CCDC32: variants seen among roughly 807,000 people sequenced by gnomAD.
CCDC32 encodes coiled-coil domain-containing protein 32.
CCDC32 carries 9 observed loss-of-function variants against 20.1 expected under a neutral mutation model. The observed-to-expected ratio is 0.45, with a 90% CI of 0.27 to 0.78. The LOEUF (loss-of-function observed/expected upper bound fraction) is 0.78, where lower values mean the gene tolerates loss of function less well. CCDC32 is among the 30% of genes least tolerant of loss of function. The pLI is 0.16. For missense variants in CCDC32, 204 were observed against 215.5 expected (o/e 0.95, Z 0.33); for synonymous variants, 63 against 79.0 (o/e 0.80, Z 1.07).
downstream of CCDC32, among the ~76,000 whole-genome samples, chr15:40,527,565 G>A (rs1056880741): frequency 3.3e-5 from 5 of 152,210 alleles, no homozygotes; most frequent in Non-Finnish European, 5.9e-5. Context: ...TGGCAGTATT[G>A]GGAAGTGGGG....
downstream of CCDC32, among the ~76,000 whole-genome samples, chr15:40,527,296 G>A (rs1452791991): frequency 1.3e-5 from 2 of 151,858 alleles, no homozygotes; most frequent in Non-Finnish European, 2.9e-5. Flanking sequence ...TCAGCCTTCC[G>A]AGTAGCTGGG....
Position 40,557,371 on chromosome 15 carries a change from C to T in CCDC32, c.246G>A (p.Glu82=). The T allele has an allele frequency of 6.2e-7, 1 of 1,604,560 alleles. No individual in the cohort carries two copies. Among genetic ancestry groups the T allele is most frequent in the Non-Finnish European group, 8.5e-7 (1 of 1,177,066 alleles). The part of the protein sequence containing the change: ...QDSEVYLASL[E]KKLRRIKGLN... Reference sequence around the variant, plus strand: ...AACCTTTGATTCTTCTTAGCTTCTTCTCTAGAGAGAGAAGTAGAGCTTAAC... The same window carrying T: ...AACCTTTGATTCTTCTTAGCTTCTTTTCTAGAGAGAGAAGTAGAGCTTAAC... Residue 82 remains glutamate (E), a splice_region_variant and synonymous_variant, in exon 3 of 4, where the codon GAG becomes GAA. Transcript: ENST00000416810.
downstream of CCDC32, among the ~76,000 whole-genome samples, chr15:40,524,226 C>T (rs569375481): frequency 5.1e-5 from 7 of 136,494 alleles, no homozygotes; most frequent in Admixed American, 4.2e-4. Context: ...GGCGCGATCT[C>T]GGCTCTGCAA....
At chr15:40,551,339 G>A (rs903816849), downstream of CCDC32, among the ~76,000 whole-genome samples, 9 of 152,114 alleles carry the variant, frequency 5.9e-5, no homozygotes, top group African/African-American at 1.4e-4. Flanking sequence ...CCAAGATGGC[G>A]CCACTGCACT....
At chr15:40,549,160 A>G (rs1889740460), downstream of CCDC32, among the ~76,000 whole-genome samples, 1 of 152,170 alleles carries the variant, frequency 6.6e-6, no homozygotes, top group African/African-American at 2.4e-5. Context: ...TCATCTTGTC[A>G]CTGCCCCTCT....
downstream of CCDC32, among the ~76,000 whole-genome samples, chr15:40,532,963 T>A (rs531704700): frequency 4.6e-5 from 7 of 152,180 alleles, no homozygotes; most frequent in African/African-American, 1.4e-4. Flanking sequence ...CCTCAGCTTC[T>A]CAAAGTGTTG....
At chr15:40,539,215 T>G, downstream of CCDC32, 1 of 1,530,912 alleles carries the variant, frequency 6.5e-7, no homozygotes, top group Non-Finnish European at 8.7e-7. Flanking sequence ...TGCACATCCC[T>G]GCCTGGCCCG....
chr15:40,533,691 G>T (rs975200530), downstream of CCDC32, among the ~76,000 whole-genome samples: 2 of 152,068 alleles, frequency 1.3e-5, no homozygotes, highest in Non-Finnish European at 1.5e-5. Context: ...TTTAAAAAAG[G>T]ATACACATAA....
At chr15:40,529,991 G>A (rs1049937258), downstream of CCDC32, among the ~76,000 whole-genome samples, 9 of 151,058 alleles carry the variant, frequency 6.0e-5, no homozygotes, top group African/African-American at 2.2e-4. Flanking sequence ...TCCAAATCTC[G>A]TGTTAAAATG....
intron 3 of CCDC32, among the ~76,000 whole-genome samples, chr15:40,544,234 G>C (rs2141615984): frequency 6.6e-6 from 1 of 152,250 alleles, no homozygotes; most frequent in South Asian, 2.1e-4. Flanking sequence ...ATTTATTTGA[G>C]ACAGGATCTT....
chr15:40,548,716 A>G (rs1889722249), downstream of CCDC32, among the ~76,000 whole-genome samples: 1 of 152,164 alleles, frequency 6.6e-6, no homozygotes, highest in African/African-American at 2.4e-5. Context: ...ATGCCGGCTC[A>G]GAACTACCAA....
chr15:40,563,135 G>T, intron 1 of CCDC32, 108 bp from the exon 2 acceptor site: 1 of 1,350,384 alleles, frequency 7.4e-7, no homozygotes, highest in Non-Finnish European at 1.0e-6. Flanking sequence ...AGCCGAGGCA[G>T]TCAGATCATT....
chr15:40,531,330 AT>A (rs1036283042), downstream of CCDC32: 9 of 142,772 alleles, frequency 6.3e-5, no homozygotes, highest in Admixed American at 1.4e-4. Flanking sequence ...CTTTTTTTTT[AT>A]TTTTTTTTTG....
chr15:40,527,013 T>A (rs1278376291), downstream of CCDC32, among the ~76,000 whole-genome samples: 1 of 152,196 alleles, frequency 6.6e-6, no homozygotes, highest in Admixed American at 6.5e-5. Flanking sequence ...TACAGTTATG[T>A]GATCTCAGCT....
chr15:40,522,831 T>TC, the CCDC32 span, among the ~76,000 whole-genome samples: 17 of 138,258 alleles, frequency 1.2e-4, no homozygotes, highest in Middle Eastern at 3.6e-3. Context: ...TTCCTTTCTT[T>TC]TTTTTTTTTT....
intron 1 of CCDC32, among the ~76,000 whole-genome samples, chr15:40,564,557 A>C (rs1295474268): frequency 1.3e-5 from 2 of 152,136 alleles, no homozygotes; most frequent in Non-Finnish European, 2.9e-5. Context: ...ACAGGCTGAC[A>C]CCTTCTTTCA....
downstream of CCDC32, among the ~76,000 whole-genome samples, chr15:40,551,630 G>A (rs559686693): frequency 2.0e-5 from 3 of 151,704 alleles, no homozygotes; most frequent in South Asian, 2.1e-4. Flanking sequence ...ACAACATGGC[G>A]AAATCCCATC....
intron 3 of CCDC32, among the ~76,000 whole-genome samples, chr15:40,539,840 C>CCCCACACACACACACACACA (rs1338607302): frequency 4.5e-5 from 6 of 134,542 alleles, no homozygotes; most frequent in Admixed American, 8.0e-5. Context: ...CAAACTGTTG[C>CCCCACACACACACACACACA]CACACACACA....
chr15:40,526,740 C>T (rs1894904642), downstream of CCDC32, among the ~76,000 whole-genome samples: 1 of 152,152 alleles, frequency 6.6e-6, no homozygotes, highest in African/African-American at 2.4e-5. Context: ...TGGCAAAAAC[C>T]CATCTCTACT....
Sources: allele counts gnomAD v4.1 joint callset (sites outside exome capture counted in the v4.1 genomes callset), GRCh38; gene constraint gnomAD v4.1.1; transcripts MANE v1.5; gene names NCBI Gene and HGNC (gene_info 2026-07-23, HGNC 2026-07-21).